Variants in CSMD1 observed in about 807,000 individuals in gnomAD.
CSMD1 encodes the protein CUB and Sushi multiple domains 1.
A neutral mutation model predicts 417.5 loss-of-function variants in CSMD1; 213 were observed. That is an observed-to-expected ratio of 0.51 (90% CI 0.46 to 0.57). The LOEUF (loss-of-function observed/expected upper bound fraction) is 0.57, where lower values mean the gene tolerates loss of function less well. CSMD1 is among the 20% of genes least tolerant of loss of function. The pLI, the probability that CSMD1 is intolerant of heterozygous loss-of-function variation, is 0.00. For synonymous variants in CSMD1, 2,862 were observed against 1,736.8 expected (o/e 1.65, Z -16.11); for missense variants, 6,923 against 4,529.7 (o/e 1.53, Z -15.17).
At chr8:3,493,459 A>T (rs7830175) in intron 11 of CSMD1, among the ~76,000 whole-genome samples, 164 bp downstream of exon 11, 124,081 of 152,134 alleles carry the variant, frequency 0.82, 50,703 homozygotes, top group Middle Eastern at 0.87. Context: ...TATACTCATA[A>T]TGTGTTCTCA....
chr8:4,351,427 G>T (rs748703074), intron 3 of CSMD1, among the ~76,000 whole-genome samples: 2 of 152,198 alleles, frequency 1.3e-5, no homozygotes, highest in Non-Finnish European at 2.9e-5. Flanking sequence ...AGTAAGGTAA[G>T]AAGAGTTACT....
intron 8 of CSMD1, among the ~76,000 whole-genome samples, chr8:3,616,046 T>C (rs1369788317): frequency 6.6e-6 from 1 of 152,206 alleles, no homozygotes; most frequent in East Asian, 1.9e-4. Context: ...GATACTAACA[T>C]GCATCATTCC....
intron 3 of CSMD1, among the ~76,000 whole-genome samples, chr8:4,311,087 G>T (rs559310783): frequency 6.6e-6 from 1 of 152,136 alleles, no homozygotes; most frequent in African/African-American, 2.4e-5. Context: ...GGAAAGCAAT[G>T]TGGCATATCT....
intron 9 of CSMD1, among the ~76,000 whole-genome samples, chr8:3,575,682 G>GC (rs1369572428): frequency 6.6e-6 from 1 of 150,936 alleles, no homozygotes; most frequent in Non-Finnish European, 1.5e-5. Flanking sequence ...AAAATTTATT[G>GC]CAAGTTTAAA....
At chr8:3,252,604 T>C (rs913925880) in intron 26 of CSMD1, among the ~76,000 whole-genome samples, 25 of 152,214 alleles carry the variant, frequency 1.6e-4, no homozygotes, top group Admixed American at 1.2e-3. Context: ...ATTCCCTCTT[T>C]TTCTATTGAT....
At chr8:3,575,424 G>C (rs951460820) in intron 9 of CSMD1, among the ~76,000 whole-genome samples, 2 of 152,146 alleles carry the variant, frequency 1.3e-5, no homozygotes, top group South Asian at 4.1e-4. Context: ...GTTGTTCAGA[G>C]AGTCTCCATA....
chr8:3,533,045 A>C (rs1798045467), intron 10 of CSMD1, among the ~76,000 whole-genome samples: 1 of 152,222 alleles, frequency 6.6e-6, no homozygotes, highest in African/African-American at 2.4e-5. Flanking sequence ...AAGATGTCTA[A>C]AATACTTTGA....
chr8:3,501,978 G>A (rs1393659605), intron 10 of CSMD1, among the ~76,000 whole-genome samples: 1 of 152,160 alleles, frequency 6.6e-6, no homozygotes, highest in Non-Finnish European at 1.5e-5. Context: ...TGATGGGAAT[G>A]CAAAATGGTA....
chr8:4,724,957 C>T (rs139325152), intron 1 of CSMD1, among the ~76,000 whole-genome samples: 2,290 of 151,962 alleles, frequency 0.015, 22 homozygotes, highest in Middle Eastern at 0.031. Flanking sequence ...ATAAATGATT[C>T]GAGTTTAAAA....
intron 5 of CSMD1, among the ~76,000 whole-genome samples, chr8:3,772,219 T>A (rs1256296637): frequency 3.7e-5 from 5 of 135,610 alleles, no homozygotes; most frequent in African/African-American, 5.4e-5. Context: ...CACACACATA[T>A]AATACACACA....
Position 3,409,651 on chromosome 8 carries a change from G to A in CSMD1, c.1562-46C>T, listed in dbSNP as rs142971966. The A allele has an allele frequency of 6.5e-4, 937 of 1,441,030 alleles. 8 individuals are homozygous for A. In the African/African-American group the frequency reaches 0.01, roughly 16 times the overall value. The allele number at this position is 1,441,030 out of a possible 1,614,324, so 89.3% of individuals were successfully genotyped here. The stretch of plus-strand genomic sequence containing the variant: ...GAACCCTTAAAAAAACACACACAAG[G>A]AATATTTTTATCTCTACAACTTAGA... On this transcript the variant is annotated intron_variant, in intron 12 of 69. Coordinates refer to ENST00000635120, the MANE Select transcript of CSMD1 (RefSeq NM_033225.6).
intron 1 of CSMD1, among the ~76,000 whole-genome samples, chr8:4,751,318 G>T (rs1229160823): frequency 1.3e-5 from 2 of 152,064 alleles, no homozygotes; most frequent in African/African-American, 4.8e-5. Flanking sequence ...CCAGGAAGTG[G>T]AGGTTGCAGT....
chr8:4,443,868 A>T (rs1798625438), intron 2 of CSMD1, among the ~76,000 whole-genome samples: 1 of 152,224 alleles, frequency 6.6e-6, no homozygotes, highest in South Asian at 2.1e-4. Flanking sequence ...TGACATGTGA[A>T]AACACTCAGC....
chr8:4,618,489 G>T (rs931872676), intron 2 of CSMD1, among the ~76,000 whole-genome samples: 1 of 151,808 alleles, frequency 6.6e-6, no homozygotes, highest in South Asian at 2.1e-4. Flanking sequence ...GGGAAACCAA[G>T]AACAAAGCTC....
chr8:4,894,698 C>CTG (rs1199351387), intron 1 of CSMD1, among the ~76,000 whole-genome samples: 56,703 of 149,416 alleles, frequency 0.38, 10,750 homozygotes, highest in Middle Eastern at 0.45. Context: ...ATCTGAAAGA[C>CTG]TGTGTGTGTG....
chr8:3,773,731 G>A (rs1002256391), intron 5 of CSMD1, among the ~76,000 whole-genome samples: 2 of 152,134 alleles, frequency 1.3e-5, no homozygotes, highest in African/African-American at 4.8e-5. Context: ...GATGAGGAGG[G>A]CAAGCATGAT....
chr8:3,661,711 A>G (rs62474686), intron 7 of CSMD1, among the ~76,000 whole-genome samples: 11,918 of 152,098 alleles, frequency 0.078, 508 homozygotes, highest in Middle Eastern at 0.16. Context: ...TGGTCAGGCT[A>G]GTCTCGAACT....
intron 26 of CSMD1, among the ~76,000 whole-genome samples, chr8:3,237,755 A>G (rs1799243395): frequency 7.5e-6 from 1 of 133,596 alleles, no homozygotes; most frequent in Non-Finnish European, 1.6e-5. Flanking sequence ...TTATACTTAT[A>G]CTACAAATAT....
chr8:4,659,647 A>G (rs1322776399), intron 1 of CSMD1, among the ~76,000 whole-genome samples: 2 of 152,174 alleles, frequency 1.3e-5, no homozygotes, highest in African/African-American at 4.8e-5. Flanking sequence ...TTCCAAGGCG[A>G]CAGGGGAGTG....
Sources: gnomAD v4.1 joint callset for allele counts (sites outside exome capture counted in the v4.1 genomes callset) on GRCh38, gnomAD v4.1.1 for gene constraint, MANE v1.5 for transcripts, NCBI Gene and HGNC (gene_info 2026-07-23, HGNC 2026-07-21) for gene names.